KCNB2: variants seen among roughly 807,000 people sequenced by gnomAD.
KCNB2 encodes potassium voltage-gated channel subfamily B member 2, also known as delayed rectifier potassium channel protein.
A neutral mutation model predicts 61.5 loss-of-function variants in KCNB2; 15 were observed. The ratio of observed to expected loss-of-function variants is 0.24; its 90% CI spans 0.16 to 0.38. The LOEUF (loss-of-function observed/expected upper bound fraction) is 0.38. KCNB2 is among the 10% of genes least tolerant of loss of function. KCNB2 has a pLI of 1.00. For missense variants in KCNB2, 828 were observed against 1,125.2 expected (o/e 0.74, Z 3.78); for synonymous variants, 457 against 446.0 (o/e 1.02, Z -0.31).
intron 2 of KCNB2, among the ~76,000 whole-genome samples, chr8:72,764,253 G>T (rs996407209): frequency 6.6e-6 from 1 of 152,164 alleles, no homozygotes; most frequent in Non-Finnish European, 1.5e-5. Flanking sequence ...GCACCTGACT[G>T]GAGCAGATAT....
chr8:72,820,857 T>A (rs941386107), intron 2 of KCNB2, among the ~76,000 whole-genome samples: 1 of 152,218 alleles, frequency 6.6e-6, no homozygotes, highest in African/African-American at 2.4e-5. Flanking sequence ...ATAAGTTCAC[T>A]GGTTCTGCTA....
intron 2 of KCNB2, among the ~76,000 whole-genome samples, chr8:72,912,658 A>G (rs1408168779): frequency 6.6e-6 from 1 of 152,038 alleles, no homozygotes; most frequent in Non-Finnish European, 1.5e-5. Flanking sequence ...TACTAGGATT[A>G]TCAGTATCCT....
At chr8:72,768,557 C>T (rs1292314785) in intron 2 of KCNB2, among the ~76,000 whole-genome samples, 2 of 151,946 alleles carry the variant, frequency 1.3e-5, no homozygotes, top group Non-Finnish European at 2.9e-5. Flanking sequence ...TGCTATAGTC[C>T]CAGTCCAATT....
intron 2 of KCNB2, among the ~76,000 whole-genome samples, chr8:72,933,773 C>A (rs1004789518): frequency 6.6e-6 from 1 of 152,188 alleles, no homozygotes; most frequent in African/African-American, 2.4e-5. Context: ...AGGGATTTAT[C>A]TAAATCTTCT....
At position 72,549,598 on chromosome 8, in the gene KCNB2, G is replaced by A. The variant is rs114510639; in HGVS notation, c.-94+11713G>A. On this transcript the variant is annotated intron_variant, in intron 1 of 2. Coordinates refer to ENST00000523207, the MANE Select transcript of KCNB2 (RefSeq NM_004770.3). Reference sequence around the variant, plus strand: ...AACTTCTCAGTGGCAATTATATAAGGTGAACTATAAATTTAAATAAACAAC... The same window carrying A: ...AACTTCTCAGTGGCAATTATATAAGATGAACTATAAATTTAAATAAACAAC... Among the ~76,000 whole-genome samples, 137 of 152,270 alleles carry A rather than the reference G, an allele frequency of 9.0e-4. 2 individuals carry two copies. Among genetic ancestry groups the A allele is most frequent in the African/African-American group, 2.9e-3 (120 of 41,558 alleles).
intron 2 of KCNB2, among the ~76,000 whole-genome samples, chr8:72,780,013 C>T (rs1046637896): frequency 6.6e-6 from 1 of 152,008 alleles, no homozygotes; most frequent in Non-Finnish European, 1.5e-5. Flanking sequence ...TGGTTGCTCC[C>T]GATAAAGCTG....
At chr8:72,619,913 A>T (rs1458093540) in intron 2 of KCNB2, among the ~76,000 whole-genome samples, 1 of 152,188 alleles carries the variant, frequency 6.6e-6, no homozygotes, top group Non-Finnish European at 1.5e-5. Context: ...CCAATATGGT[A>T]ACTACTGAAC....
At chr8:72,752,336 T>C (rs1175347839) in intron 2 of KCNB2, among the ~76,000 whole-genome samples, 2 of 152,180 alleles carry the variant, frequency 1.3e-5, no homozygotes, top group Non-Finnish European at 2.9e-5. Flanking sequence ...TAACATTATT[T>C]CTGGGTGTAT....
At chr8:72,671,809 C>T (rs1451056207) in intron 2 of KCNB2, among the ~76,000 whole-genome samples, 1 of 152,206 alleles carries the variant, frequency 6.6e-6, no homozygotes, top group Non-Finnish European at 1.5e-5. Context: ...TCCTCTCTTA[C>T]TTCATTGCCA....
intron 2 of KCNB2, among the ~76,000 whole-genome samples, chr8:72,667,994 A>G (rs1490926723): frequency 6.6e-6 from 1 of 152,222 alleles, no homozygotes; most frequent in Non-Finnish European, 1.5e-5. Context: ...GAAGGACTCA[A>G]ATAACTTAGA....
intron 2 of KCNB2, chr8:72,874,783 G>C (rs1805676683): frequency 6.6e-6 from 1 of 152,292 alleles, no homozygotes; most frequent in Non-Finnish European, 1.5e-5. Context: ...CTGTGTGCCA[G>C]GGACTCGGGC....
chr8:72,545,210 C>T (rs1205195051), intron 1 of KCNB2, among the ~76,000 whole-genome samples: 1 of 152,174 alleles, frequency 6.6e-6, no homozygotes, highest in African/African-American at 2.4e-5. Context: ...TATGGCCCCT[C>T]ATTGTCTAGA....
chr8:72,543,856 C>T (rs1318087565), intron 1 of KCNB2, among the ~76,000 whole-genome samples: 1 of 152,120 alleles, frequency 6.6e-6, no homozygotes, highest in Non-Finnish European at 1.5e-5. Flanking sequence ...TATATTCTCC[C>T]ATTGAAGAAA....
At chr8:72,753,368 A>G (rs1808232633) in intron 2 of KCNB2, among the ~76,000 whole-genome samples, 1 of 152,162 alleles carries the variant, frequency 6.6e-6, no homozygotes. Context: ...AATCGAACAC[A>G]TTTTTATTTA....
chr8:72,789,427 A>G (rs1262647242), intron 2 of KCNB2, among the ~76,000 whole-genome samples: 1 of 152,154 alleles, frequency 6.6e-6, no homozygotes, highest in Non-Finnish European at 1.5e-5. Flanking sequence ...ACAAAAGATT[A>G]TCTAAATCTT....
intron 1 of KCNB2, among the ~76,000 whole-genome samples, chr8:72,553,340 T>TA (rs779361980): frequency 2.6e-5 from 4 of 152,012 alleles, no homozygotes; most frequent in Non-Finnish European, 4.4e-5. Context: ...TTTCCACAAA[T>TA]AAAAAAACTT....
chr8:72,819,003 A>G (rs926770157), intron 2 of KCNB2, among the ~76,000 whole-genome samples: 3 of 152,164 alleles, frequency 2.0e-5, no homozygotes, highest in Admixed American at 1.3e-4. Context: ...TTTGTAGAAT[A>G]GTGAGATAGT....
intron 1 of KCNB2, among the ~76,000 whole-genome samples, chr8:72,559,106 TTTTC>T (rs1298909828): frequency 3.3e-5 from 5 of 151,908 alleles, no homozygotes; most frequent in Admixed American, 1.3e-4. Context: ...TGTTGTGTCT[TTTTC>T]TTTCTTTATT....
intron 2 of KCNB2, among the ~76,000 whole-genome samples, chr8:72,925,680 G>A (rs978227535): frequency 1.3e-5 from 2 of 152,240 alleles, no homozygotes; most frequent in South Asian, 4.1e-4. Context: ...GGAAGGCAGT[G>A]TGGCGATTCC....
Sources: gnomAD v4.1 joint callset for allele counts (sites outside exome capture counted in the v4.1 genomes callset) on GRCh38, gnomAD v4.1.1 for gene constraint, MANE v1.5 for transcripts, NCBI Gene and HGNC (gene_info 2026-07-23, HGNC 2026-07-21) for gene names.